Variants in MEGF6 observed in about 807,000 individuals in gnomAD.
MEGF6 encodes multiple epidermal growth factor-like domains protein 6.
In MEGF6, 184 loss-of-function variants were observed where a neutral mutation model predicts 207.1. The ratio of observed to expected loss-of-function variants is 0.89; its 90% CI spans 0.79 to 1.00. The LOEUF is 1.00. Among genes scored for constraint, MEGF6 ranks in the 50% least tolerant of loss-of-function variants. The pLI, the probability that MEGF6 is intolerant of heterozygous loss-of-function variation, is 0.00. For missense variants in MEGF6, 2,282 were observed against 2,202.9 expected (o/e 1.04, Z -0.72); for synonymous variants, 1,038 against 910.0 (o/e 1.14, Z -2.53).
intron 1 of MEGF6, among the ~76,000 whole-genome samples, chr1:3,604,141 T>C (rs1057493488): frequency 3.9e-5 from 6 of 152,282 alleles, no homozygotes; most frequent in Non-Finnish European, 5.9e-5. Flanking sequence ...AGAGTCCAGC[T>C]CCAGGTCTCC....
chr1:3,510,062 A>G, intron 10 of MEGF6, 70 bp from the exon 11 acceptor site: 2 of 1,529,546 alleles, frequency 1.3e-6, no homozygotes, highest in Non-Finnish European at 8.7e-7. Flanking sequence ...CTGCCCACCC[A>G]GTCCTACCCA....
In MEGF6 at chr1:3,501,823, C is replaced by G; in HGVS notation, c.2287G>C (p.Gly763Arg). The G allele has an allele frequency of 1.2e-6, 2 of 1,608,860 alleles. No individual in the cohort carries two copies. The highest frequency in any genetic ancestry group is 1.7e-6 in the Non-Finnish European group (2 of 1,178,634). ...GVTGQCRCPP[G>R]RTGEDCEADC... ...GCCTCACAGTCTTCCCCAGTCCTCCCCGGCGGACACCGGCACTGCCCCGTG... is the reference window on the plus strand; with the variant it reads ...GCCTCACAGTCTTCCCCAGTCCTCCGCGGCGGACACCGGCACTGCCCCGTG... Residue 763 changes from glycine to arginine, a missense_variant, in exon 18 of 37, where the codon GGG becomes CGG. Gly to Arg is a moderately radical substitution (Grantham distance 125, BLOSUM62 -2). Coordinates refer to ENST00000356575, the MANE Select transcript of MEGF6 (RefSeq NM_001409.4).
chr1:3,562,952 G>A (rs576300664), intron 4 of MEGF6, among the ~76,000 whole-genome samples: 4 of 152,016 alleles, frequency 2.6e-5, no homozygotes, highest in African/African-American at 4.8e-5. Flanking sequence ...GTCCTCAGGC[G>A]CCCCCAGGCC....
chr1:3,541,561 A>C (rs11579487), intron 4 of MEGF6, among the ~76,000 whole-genome samples: 3,048 of 151,942 alleles, frequency 0.02, 93 homozygotes, highest in African/African-American at 0.062. Flanking sequence ...CCCCTTGCCC[A>C]CTCGTTTCTC....
chr1:3,494,335 G>A, intron 32 of MEGF6, 36 bp downstream of exon 32: 2 of 1,525,284 alleles, frequency 1.3e-6, no homozygotes, highest in Non-Finnish European at 1.8e-6. Context: ...GTGGCTCAAA[G>A]GGGCCCCAGC....
chr1:3,550,130 A>G (rs1642837792), intron 4 of MEGF6, among the ~76,000 whole-genome samples: 1 of 152,172 alleles, frequency 6.6e-6, no homozygotes, highest in Admixed American at 6.5e-5. Context: ...GGCTCCCGAC[A>G]CAAGACATAC....
At chr1:3,602,751 C>T (rs1644181184) in intron 1 of MEGF6, 151 bp from the exon 2 acceptor site, 1 of 1,216,348 alleles carries the variant, frequency 8.2e-7, no homozygotes, top group Non-Finnish European at 1.1e-6. Flanking sequence ...ATGCCAGTGC[C>T]CCAGGCCAGC....
chr1:3,584,705 C>CT (rs776112680), intron 3 of MEGF6, among the ~76,000 whole-genome samples: 26 of 152,250 alleles, frequency 1.7e-4, no homozygotes, highest in Admixed American at 1.3e-4. Context: ...AGCCGAGGAT[C>CT]AGGGACTCCT....
At position 3,506,300 on chromosome 1, in the gene MEGF6, A is replaced by C. The variant is rs887795051; in HGVS notation, c.1790-64T>G. On this transcript the variant is annotated intron_variant, in intron 14 of 36. Coordinates refer to ENST00000356575, the MANE Select transcript of MEGF6 (RefSeq NM_001409.4). ...CCAGCCTACCACATGTGGTCCCCCC[A>C]TGTGGTAGGATGCGCGGGGGCCCAG... The C allele has an allele frequency of 3.9e-6, 6 of 1,556,656 alleles. No individual in the cohort carries two copies. In the African/African-American group the frequency reaches 5.4e-5, roughly 14 times the overall value.
chr1:3,548,353 C>A (rs79336837), intron 4 of MEGF6, among the ~76,000 whole-genome samples: 3 of 152,252 alleles, frequency 2.0e-5, no homozygotes, highest in African/African-American at 7.2e-5. Context: ...GGCCTCGGGG[C>A]GGCCACAGTC....
chr1:3,588,791 C>A (rs1463815168), intron 3 of MEGF6, among the ~76,000 whole-genome samples: 1 of 152,022 alleles, frequency 6.6e-6, no homozygotes, highest in Non-Finnish European at 1.5e-5. Flanking sequence ...CTTCTCTCTG[C>A]CCCTCCTGAC....
At chr1:3,586,856 T>C (rs890632667) in intron 3 of MEGF6, among the ~76,000 whole-genome samples, 7 of 152,256 alleles carry the variant, frequency 4.6e-5, no homozygotes, top group African/African-American at 1.7e-4. Context: ...GTCCAACAGC[T>C]GGACATGGGG....
At chr1:3,491,496 C>A (rs566785891) in intron 35 of MEGF6, among the ~76,000 whole-genome samples, 59 of 152,232 alleles carry the variant, frequency 3.9e-4, no homozygotes, top group African/African-American at 1.3e-3. Flanking sequence ...GAGATGGGGG[C>A]TCCCCTGTCT....
At chr1:3,554,385 G>T (rs1642976701) in intron 4 of MEGF6, among the ~76,000 whole-genome samples, 1 of 152,166 alleles carries the variant, frequency 6.6e-6, no homozygotes, top group African/African-American at 2.4e-5. Flanking sequence ...CCAGGCGGGA[G>T]GGGGACGGCA....
intron 20 of MEGF6, 72 bp from the exon 21 acceptor site, chr1:3,500,836 CA>C: frequency 1.3e-6 from 2 of 1,593,462 alleles, no homozygotes; most frequent in Non-Finnish European, 8.6e-7. Context: ...GAGTCAGGCA[CA>C]GGGGCGTCTC....
chr1:3,599,982 G>C (rs763109810), intron 2 of MEGF6, among the ~76,000 whole-genome samples: 1 of 152,152 alleles, frequency 6.6e-6, no homozygotes, highest in African/African-American at 2.4e-5. Context: ...CAGGCTGGTA[G>C]GGGTGGAACC....
At chr1:3,539,695 G>A (rs1484238804) in intron 4 of MEGF6, among the ~76,000 whole-genome samples, 3 of 152,186 alleles carry the variant, frequency 2.0e-5, no homozygotes, top group South Asian at 2.1e-4. Flanking sequence ...CTACCTGGGC[G>A]CCTCGGTTTC....
At chr1:3,529,691 GC>G (rs1557753209) in intron 4 of MEGF6, among the ~76,000 whole-genome samples, 2 of 152,224 alleles carry the variant, frequency 1.3e-5, no homozygotes, top group Non-Finnish European at 2.9e-5. Context: ...AGGTGGAGGA[GC>G]CTCAGGGAGC....
At chr1:3,622,265 C>T in the MEGF6 span, among the ~76,000 whole-genome samples, 18 of 152,080 alleles carry the variant, frequency 1.2e-4, 1 homozygote, top group Non-Finnish European at 2.4e-4. Flanking sequence ...CGATTTCCCC[C>T]GTGCTGTTCT....
Sources: allele counts gnomAD v4.1 joint callset (sites outside exome capture counted in the v4.1 genomes callset), GRCh38; gene constraint gnomAD v4.1.1; transcripts MANE v1.5; gene names NCBI Gene and HGNC (gene_info 2026-07-23, HGNC 2026-07-21).